Variants in EEF2K observed in about 807,000 individuals in gnomAD.
EEF2K encodes the protein alternative protein EEF2K.
A neutral mutation model predicts 93.8 loss-of-function variants in EEF2K; 70 were observed. The observed-to-expected ratio is 0.75, with a 90% confidence interval of 0.62 to 0.91. The LOEUF is 0.91. Among genes scored for constraint, EEF2K ranks in the 40% least tolerant of loss-of-function variants. The pLI is 0.00. For missense variants in EEF2K, 935 were observed against 972.9 expected (o/e 0.96, Z 0.52); for synonymous variants, 376 against 380.8 (o/e 0.99, Z 0.15).
chr16:22,285,219 A>G lies in EEF2K; in HGVS notation c.*1223A>G, dbSNP rs2047743402. The G allele has an allele frequency of 6.6e-6, 1 of 152,308 alleles. No homozygotes were observed. Among genetic ancestry groups the G allele is most frequent in the African/African-American group, 2.4e-5 (1 of 41,432 alleles). 9.4% of individuals were successfully genotyped at this position (152,308 alleles called of 1,614,324 possible). A position where few individuals can be genotyped will look rare whatever the true frequency, so the allele number is the denominator to read the frequency against. ...ACAACGTGACTGCAATGTCTCTTATACAGTATTCCTTGGTGTTTTCTTAGT... is the reference window on the plus strand; with the variant it reads ...ACAACGTGACTGCAATGTCTCTTATGCAGTATTCCTTGGTGTTTTCTTAGT... On this transcript the variant is annotated 3_prime_UTR_variant, in exon 18 of 18. Coordinates refer to ENST00000263026, the MANE Select transcript of EEF2K (RefSeq NM_013302.5).
At chr16:22,231,977 C>T (rs61240077) in intron 2 of EEF2K, among the ~76,000 whole-genome samples, 15,461 of 129,024 alleles carry the variant, frequency 0.12, 996 homozygotes, top group East Asian at 0.34. Flanking sequence ...GCAACGAGAG[C>T]GAAACTCTGT....
At chr16:22,282,125 G>A (rs993590407) in intron 17 of EEF2K, among the ~76,000 whole-genome samples, 1 of 152,152 alleles carries the variant, frequency 6.6e-6, no homozygotes, top group Non-Finnish European at 1.5e-5. Context: ...TTAACTGAGT[G>A]TGGTGGCACA....
chr16:22,229,217 G>A lies in EEF2K; in HGVS notation c.246+3242G>A, dbSNP rs571836087. On this transcript the variant is annotated intron_variant, in intron 2 of 17. Transcript: ENST00000263026. ...GTGTCTTCTACATTTGTCCAATTTT[G>A]TGTTGAATATTTTGAAAGCACCCCT... 2.0e-5 allele frequency among the ~76,000 whole-genome samples: 3 copies of A among 152,268 alleles called. No individual in the cohort carries two copies. In the East Asian group the frequency reaches 5.8e-4, roughly 29 times the overall value.
intron 12 of EEF2K, among the ~76,000 whole-genome samples, chr16:22,264,348 C>T (rs188348388): frequency 1.4e-5 from 2 of 147,286 alleles, no homozygotes; most frequent in East Asian, 2.0e-4. Flanking sequence ...GGCTCACCTG[C>T]AATTCCAGCA....
chr16:22,266,660 C>T, intron 14 of EEF2K, 28 bp from the exon 15 acceptor site: 2 of 1,589,890 alleles, frequency 1.3e-6, no homozygotes, highest in Non-Finnish European at 8.6e-7. Flanking sequence ...GCCAGACAGC[C>T]AGGCCGACAC....
chr16:22,266,341 T>C, intron 13 of EEF2K, 49 bp from the exon 14 acceptor site: 1 of 1,572,928 alleles, frequency 6.4e-7, no homozygotes, highest in Non-Finnish European at 8.6e-7. Context: ...GCTGTGATGC[T>C]GCGTCCACCC....
chr16:22,228,800 A>G (rs1376828402), intron 2 of EEF2K, among the ~76,000 whole-genome samples: 1 of 152,180 alleles, frequency 6.6e-6, no homozygotes, highest in Non-Finnish European at 1.5e-5. Flanking sequence ...AATTACAGAA[A>G]TACGCGGGGG....
intron 16 of EEF2K, among the ~76,000 whole-genome samples, chr16:22,278,229 A>G (rs2047658485): frequency 6.6e-6 from 1 of 152,114 alleles, no homozygotes; most frequent in African/African-American, 2.4e-5. Flanking sequence ...AAGAGAGAGC[A>G]AAAGGGGGCT....
chr16:22,277,730 T>C lies in EEF2K; in HGVS notation c.1890-2468T>C, dbSNP rs117530261. Among the ~76,000 whole-genome samples, 1,163 of 152,248 alleles carry C rather than the reference T, an allele frequency of 7.6e-3. 5 individuals are homozygous for C. Among genetic ancestry groups the C allele is most frequent in the Non-Finnish European group, 0.013 (885 of 68,026 alleles). On this transcript the variant is annotated intron_variant, in intron 16 of 17. Transcript: ENST00000263026. ...TAAAGAGGTGATATGTGAGCTGAGA[T>C]TGGAGGGATGATGAGTGTCTTAGCC...
intron 2 of EEF2K, among the ~76,000 whole-genome samples, chr16:22,240,628 T>C (rs1296250830): frequency 6.6e-6 from 1 of 152,174 alleles, no homozygotes; most frequent in Non-Finnish European, 1.5e-5. Flanking sequence ...ATTATATATC[T>C]GGTAGTTCTG....
chr16:22,213,565 CA>C (rs1163969365), intron 1 of EEF2K, among the ~76,000 whole-genome samples: 7 of 152,240 alleles, frequency 4.6e-5, no homozygotes, highest in Non-Finnish European at 1.0e-4. Context: ...GCTGCTGTAA[CA>C]AATTGCTGCA....
In EEF2K at chr16:22,257,345, C is replaced by G. The variant is rs191221379; in HGVS notation, c.861C>G (p.Ile287Met). 6.2e-6 allele frequency: 10 copies of G among 1,614,064 alleles called. No individual in the cohort carries two copies. In the Admixed American group the frequency reaches 1.7e-4, roughly 27 times the overall value. ...GGGATCTCTACACTGACCCACAGAT[C>G]CACACGGAGACGGGCACTGACTTTG... The part of the protein sequence containing the change: ...GVGDLYTDPQ[I>M]HTETGTDFGD... Residue 287 changes from isoleucine to methionine, a missense_variant, in exon 8 of 18, where the codon ATC becomes ATG. Transcript: ENST00000263026.
rs1434116183 is a variant in EEF2K at position 22,287,049 on chromosome 16, T to G, written c.*3053T>G. ...GTAACTTGCAAGAGGTTGAGATCCT[T>G]CTGAGCTAGGAGAACTTATTCCACC... On this transcript the variant is annotated 3_prime_UTR_variant, in exon 18 of 18. Coordinates refer to ENST00000263026, the MANE Select transcript of EEF2K (RefSeq NM_013302.5). The G allele has an allele frequency of 6.6e-6, 1 of 152,280 alleles. No homozygotes were observed. The highest frequency in any genetic ancestry group is 1.5e-5 in the Non-Finnish European group (1 of 68,092). The allele number at this position is 152,280 out of a possible 1,614,324, so 9.4% of individuals were successfully genotyped here.
intron 13 of EEF2K, 34 bp from the exon 14 acceptor site, chr16:22,266,356 C>T: frequency 6.3e-7 from 1 of 1,595,696 alleles, no homozygotes; most frequent in South Asian, 1.1e-5. Context: ...CCACCCCCAG[C>T]CCCTCGCTTC....
At chr16:22,208,398 C>T (rs2046884567) in intron 1 of EEF2K, among the ~76,000 whole-genome samples, 1 of 152,080 alleles carries the variant, frequency 6.6e-6, no homozygotes, top group Admixed American at 6.6e-5. Context: ...TGGCATGAGC[C>T]TGTAATCCCA....
At chr16:22,254,675 T>A (rs954980730) in intron 6 of EEF2K, among the ~76,000 whole-genome samples, 8 of 152,238 alleles carry the variant, frequency 5.3e-5, no homozygotes, top group East Asian at 1.9e-4. Flanking sequence ...ACAAAAAAAA[T>A]TCGGCAAGGA....
chr16:22,248,811 C>G lies in EEF2K; in HGVS notation c.404C>G (p.Ser135Cys). ...GATGAAGTTCTGATCAAGATGGCAT[C>G]TCAGGTGAGCAGAGCGTTGAGCCCC... ...LDDEVLIKMA[S>C]QPFGRGAMRE... is the part of the protein sequence containing the mutation. The change falls in exon 4 of 18, where the codon TCT (serine) becomes TGT (cysteine). Residue 135 changes from serine (S) to cysteine (C), a missense_variant. Physicochemically the swap from Ser to Cys is moderately radical, Grantham distance 112 (BLOSUM62 -1). Coordinates refer to ENST00000263026, the MANE Select transcript of EEF2K (RefSeq NM_013302.5). 1 of 1,613,988 alleles carries G rather than the reference C, an allele frequency of 6.2e-7. No homozygotes were observed. The highest frequency in any genetic ancestry group is 1.1e-5 in the South Asian group (1 of 91,068).
chr16:22,246,458 G>A (rs993355799), intron 3 of EEF2K, among the ~76,000 whole-genome samples: 5 of 145,116 alleles, frequency 3.4e-5, no homozygotes. Flanking sequence ...AGAGGTTGCA[G>A]TGAGCTGAGA....
intron 16 of EEF2K, among the ~76,000 whole-genome samples, chr16:22,275,002 A>G (rs1344933137): frequency 6.6e-5 from 10 of 152,236 alleles, no homozygotes; most frequent in Non-Finnish European, 1.5e-4. Flanking sequence ...GGCAGAGCCA[A>G]CTTACATCTT....
Sources: allele counts gnomAD v4.1 joint callset (sites outside exome capture counted in the v4.1 genomes callset), GRCh38; gene constraint gnomAD v4.1.1; transcripts MANE v1.5; gene names NCBI Gene and HGNC (gene_info 2026-07-23, HGNC 2026-07-21).